The following CDK17 variants were observed in gnomAD, a reference collection of about 807,000 sequenced individuals.
CDK17 encodes the protein cyclin dependent kinase 17, also known as cyclin-dependent kinase 17.
Under a neutral mutation model 77.6 loss-of-function variants are expected in CDK17, and 24 were observed. That is an observed-to-expected ratio of 0.31 (90% CI 0.22 to 0.44). CDK17 has a LOEUF of 0.44. Among genes scored for constraint, CDK17 ranks in the 20% least tolerant of loss-of-function variants. The pLI is 1.00. For missense variants in CDK17, 429 were observed against 622.5 expected, an observed-to-expected ratio of 0.69 and a Z score of 3.31; for synonymous variants, 203 against 210.4, an observed-to-expected ratio of 0.96 and a Z score of 0.30.
chr12:96,376,973 A>G (rs1026265113), intron 1 of CDK17, among the ~76,000 whole-genome samples: 2 of 152,220 alleles, frequency 1.3e-5, no homozygotes, highest in Non-Finnish European at 2.9e-5. Context: ...TCCATTTACT[A>G]TAATAATCAT....
chr12:96,282,633 T>C, intron 14 of CDK17, 34 bp from the exon 15 acceptor site: 3 of 1,401,848 alleles, frequency 2.1e-6, no homozygotes, highest in Non-Finnish European at 3.0e-6. Context: ...TCATTAGCTT[T>C]TTCTCTAATT....
intron 10 of CDK17, among the ~76,000 whole-genome samples, chr12:96,293,297 A>C (rs376891137): frequency 3.9e-5 from 6 of 152,128 alleles, no homozygotes; most frequent in African/African-American, 1.2e-4. Context: ...CCTCAGCCTC[A>C]TAAGTGCTGG....
In CDK17 at chr12:96,400,425, C is replaced by T. The variant is rs1954247131; in HGVS notation, c.-469G>A. 2 of 381,164 alleles carry T rather than the reference C, an allele frequency of 5.2e-6. No individual in the cohort carries two copies. The highest frequency in any genetic ancestry group is 9.3e-6 in the Non-Finnish European group (2 of 215,380). The allele number at this position is 381,164 out of a possible 1,614,324, so 23.6% of individuals were successfully genotyped here. A position where few individuals can be genotyped will look rare whatever the true frequency, so the allele number is the denominator to read the frequency against. On this transcript the variant is annotated 5_prime_UTR_variant, in exon 1 of 17. Coordinates refer to ENST00000261211, the MANE Select transcript of CDK17 (RefSeq NM_002595.5). Reference sequence around the variant, plus strand: ...CTTGCGTGTGCGTCGCTTTCACACTCGGCGGCTGCGGATTGACGCCTCCGC... The same window carrying T: ...CTTGCGTGTGCGTCGCTTTCACACTTGGCGGCTGCGGATTGACGCCTCCGC...
At chr12:96,305,869 G>A (rs1952570323) in intron 5 of CDK17, among the ~76,000 whole-genome samples, 1 of 152,082 alleles carries the variant, frequency 6.6e-6, no homozygotes, top group Non-Finnish European at 1.5e-5. Context: ...ACAAAGGTGT[G>A]CCACCACGCC....
At chr12:96,323,802 T>C in intron 3 of CDK17, 146 bp downstream of exon 3, 1 of 528,144 alleles carries the variant, frequency 1.9e-6, no homozygotes, top group Non-Finnish European at 3.2e-6. Flanking sequence ...TCTAGAACTT[T>C]CCATCCTTCT....
chr12:96,323,939 T>C lies in CDK17; in HGVS notation c.283+9A>G, dbSNP rs765516498. ...AAAGGTAAACACAACAGACAAGTAA[T>C]CAAATTACCTAATCTGCTTCCATTT... On this transcript the variant is annotated intron_variant, in intron 3 of 16. Coordinates refer to ENST00000261211, the MANE Select transcript of CDK17 (RefSeq NM_002595.5). 3 of 1,565,402 alleles carry C rather than the reference T, an allele frequency of 1.9e-6. No homozygotes were observed. Among genetic ancestry groups the C allele is most frequent in the East Asian group, 2.3e-5 (1 of 43,854 alleles).
In CDK17 at chr12:96,280,812, C is replaced by T. The variant is rs1952168037; in HGVS notation, c.1530G>A (p.Glu510=). 1 of 1,613,816 alleles carries T rather than the reference C, an allele frequency of 6.2e-7. No individual in the cohort carries two copies. The highest frequency in any genetic ancestry group is 1.1e-5 in the South Asian group (1 of 91,042). The part of the protein sequence containing the change: ...DPGFRNSSYP[E]TGHGKNRRQS... ...AATGGTTTATGACAAACACACCTGTCTCTGGATAAGAAGAATTTCGAAAAC... is the reference window on the plus strand; with the variant it reads ...AATGGTTTATGACAAACACACCTGTTTCTGGATAAGAAGAATTTCGAAAAC... The change falls in exon 16 of 17, where the codon GAG becomes GAA. Residue 510 remains glutamate (E), a synonymous_variant. Transcript: ENST00000261211.
chr12:96,368,482 C>T (rs1403923811), intron 1 of CDK17, among the ~76,000 whole-genome samples: 2 of 152,138 alleles, frequency 1.3e-5, no homozygotes, highest in Middle Eastern at 3.2e-3. Flanking sequence ...CAGTCAGCTG[C>T]TCCAGAAGAG....
At chr12:96,314,550 C>T (rs777287455) in intron 3 of CDK17, among the ~76,000 whole-genome samples, 9 of 152,112 alleles carry the variant, frequency 5.9e-5, no homozygotes, top group Non-Finnish European at 1.2e-4. Flanking sequence ...ACTGCAACTT[C>T]AGGAATCCAC....
intron 1 of CDK17, among the ~76,000 whole-genome samples, chr12:96,397,904 C>T (rs1288565411): frequency 6.6e-6 from 1 of 152,138 alleles, no homozygotes; most frequent in Non-Finnish European, 1.5e-5. Context: ...AGACACTAGC[C>T]CTCAAACTGA....
At chr12:96,317,211 T>C (rs1952743335) in intron 3 of CDK17, among the ~76,000 whole-genome samples, 1 of 150,334 alleles carries the variant, frequency 6.7e-6, no homozygotes, top group Admixed American at 6.6e-5. Context: ...GTATCAGCGA[T>C]CGAAGATGAA....
At chr12:96,383,670 G>A (rs1047666590) in intron 1 of CDK17, among the ~76,000 whole-genome samples, 4 of 152,038 alleles carry the variant, frequency 2.6e-5, no homozygotes, top group African/African-American at 7.2e-5. Flanking sequence ...AATAAACAAC[G>A]GGAGAAGGAC....
intron 1 of CDK17, among the ~76,000 whole-genome samples, chr12:96,363,364 T>C (rs1592754363): frequency 1.3e-5 from 2 of 149,140 alleles, no homozygotes; most frequent in Admixed American, 6.7e-5. Flanking sequence ...GGCAGGAGAA[T>C]TGCTTGAACC....
intron 1 of CDK17, among the ~76,000 whole-genome samples, chr12:96,341,530 A>G (rs976818965): frequency 1.3e-5 from 2 of 152,256 alleles, no homozygotes; most frequent in Admixed American, 6.5e-5. Flanking sequence ...AGTTATCAAC[A>G]ATAAGTACAT....
At chr12:96,383,404 G>GAAAAAAA (rs57708359) in intron 1 of CDK17, among the ~76,000 whole-genome samples, 1 of 137,142 alleles carries the variant, frequency 7.3e-6, no homozygotes, top group Non-Finnish European at 1.6e-5. Flanking sequence ...AAAATTAGAA[G>GAAAAAAA]AAAAAAAAAA....
Position 96,286,018 on chromosome 12 carries a change from C to G in CDK17, c.1322+25G>C, listed in dbSNP as rs547494401. 1.7e-5 allele frequency: 19 copies of G among 1,129,170 alleles called. 1 individual carries two copies. The South Asian group carries it at 2.1e-4, about 13-fold the overall frequency. 69.9% of individuals were successfully genotyped at this position (1,129,170 alleles called of 1,614,324 possible). On this transcript the variant is annotated intron_variant, in intron 13 of 16. Coordinates refer to ENST00000261211, the MANE Select transcript of CDK17 (RefSeq NM_002595.5). ...TTGAAAAGAATCATGTGTTTTCCCCCCTTTCACATAAGAAAAAAAAATACC... is the reference window on the plus strand; with the variant it reads ...TTGAAAAGAATCATGTGTTTTCCCCGCTTTCACATAAGAAAAAAAAATACC...
intron 10 of CDK17, among the ~76,000 whole-genome samples, chr12:96,293,621 A>G (rs749717845): frequency 1.2e-4 from 18 of 152,228 alleles, no homozygotes; most frequent in Admixed American, 7.2e-4. Context: ...AACAAAACCT[A>G]TAACGATGAA....
chr12:96,343,969 A>G (rs912662918), intron 1 of CDK17, among the ~76,000 whole-genome samples: 1 of 152,264 alleles, frequency 6.6e-6, no homozygotes, highest in African/African-American at 2.4e-5. Context: ...ACAATGTATG[A>G]GCAAAACAAG....
chr12:96,332,773 T>G (rs1172805758), intron 2 of CDK17, among the ~76,000 whole-genome samples: 4 of 152,236 alleles, frequency 2.6e-5, no homozygotes, highest in Non-Finnish European at 5.9e-5. Flanking sequence ...CCTTATTTAC[T>G]ACCTATTAAA....
Sources: allele counts gnomAD v4.1 joint callset (sites outside exome capture counted in the v4.1 genomes callset), GRCh38; gene constraint gnomAD v4.1.1; transcripts MANE v1.5; gene names NCBI Gene and HGNC (gene_info 2026-07-23, HGNC 2026-07-21).